TTC7A: variants seen among roughly 807,000 people sequenced by gnomAD.
TTC7A encodes the protein tetratricopeptide repeat protein 7A.
In TTC7A, 110 loss-of-function variants were observed where a neutral mutation model predicts 103.7. The observed-to-expected ratio is 1.06, with a 90% CI of 0.91 to 1.24. The LOEUF is 1.24. Ranked by LOEUF, TTC7A falls within the 50% of genes most tolerant of loss-of-function variation. The pLI is 0.00. For missense variants in TTC7A, 1,340 were observed against 1,116.3 expected (o/e 1.20, Z -2.86); for synonymous variants, 521 against 467.9 (o/e 1.11, Z -1.47).
intron 9 of TTC7A, 48 bp from the exon 10 acceptor site, chr2:47,006,593 G>C: frequency 6.6e-7 from 1 of 1,519,922 alleles, no homozygotes; most frequent in Admixed American, 1.7e-5. Context: ...GGATGGCTGG[G>C]GTGGGAGGAC....
At chr2:46,962,045 C>T (rs1260851081) in intron 3 of TTC7A, among the ~76,000 whole-genome samples, 1 of 152,220 alleles carries the variant, frequency 6.6e-6, no homozygotes, top group East Asian at 1.9e-4. Context: ...CTGTCTTCCA[C>T]TGAATTCCAA....
intron 2 of TTC7A, among the ~76,000 whole-genome samples, chr2:46,925,103 A>G (rs181242352): frequency 7.0e-4 from 107 of 152,290 alleles, no homozygotes; most frequent in African/African-American, 2.4e-3. Context: ...GTTGCACTGC[A>G]CTTGGTTTTC....
intron 14 of TTC7A, among the ~76,000 whole-genome samples, chr2:47,027,329 T>G (rs979192580): frequency 6.6e-6 from 1 of 152,104 alleles, no homozygotes; most frequent in African/African-American, 2.4e-5. Context: ...CTGCGACAGC[T>G]TTGAGGCCAG....
intron 2 of TTC7A, chr2:46,917,413 C>G (rs563106521): frequency 2.9e-4 from 161 of 564,436 alleles, no homozygotes; most frequent in Non-Finnish European, 4.4e-4. Flanking sequence ...ATCTGCCATT[C>G]ATCCATCTCT....
intron 2 of TTC7A, among the ~76,000 whole-genome samples, chr2:46,955,210 G>A (rs1156719514): frequency 1.3e-5 from 2 of 151,160 alleles, no homozygotes; most frequent in African/African-American, 4.9e-5. Context: ...CACCCACGAG[G>A]AAGACGCAGC....
At chr2:46,988,500 T>C (rs542867730) in intron 5 of TTC7A, among the ~76,000 whole-genome samples, 133 of 152,370 alleles carry the variant, frequency 8.7e-4, no homozygotes, top group African/African-American at 3.0e-3. Context: ...TGCGGACATC[T>C]GGCCAGGGCC....
At chr2:46,923,864 C>T (rs1669241276) in intron 2 of TTC7A, among the ~76,000 whole-genome samples, 1 of 152,108 alleles carries the variant, frequency 6.6e-6, no homozygotes, top group African/African-American at 2.4e-5. Flanking sequence ...TCCAGAGTAG[C>T]TGGGATTACA....
At chr2:47,018,863 GC>G (rs1472037555) in intron 11 of TTC7A, among the ~76,000 whole-genome samples, 2 of 152,100 alleles carry the variant, frequency 1.3e-5, no homozygotes, top group African/African-American at 4.8e-5. Context: ...AAAGTGACTT[GC>G]CCAAGGTTAG....
At chr2:46,993,824 A>G (rs1463310125) in intron 6 of TTC7A, among the ~76,000 whole-genome samples, 2 of 152,196 alleles carry the variant, frequency 1.3e-5, no homozygotes, top group Non-Finnish European at 2.9e-5. Flanking sequence ...GCAAGGTGCT[A>G]TGCGAACTTT....
chr2:47,006,724 G>T lies in TTC7A; in HGVS notation c.1287G>T (p.Lys429Asn). The T allele has an allele frequency of 6.2e-7, 1 of 1,613,036 alleles. No homozygotes were observed. Among genetic ancestry groups the T allele is most frequent in the Non-Finnish European group, 8.5e-7 (1 of 1,178,940 alleles). ...CCCTCTCCATGGTGGCTTGTGGGAA[G>T]GTAAGGCCCAGGGGGCGCTAGGGGT... ...QVALSMVACGKSAYAVSLLRE... is the reference protein window; with the variant it reads ...QVALSMVACGNSAYAVSLLRE... Residue 429 changes from lysine (K) to asparagine (N), a missense_variant and splice_region_variant, in exon 10 of 20, where the codon AAG (lysine) becomes AAT (asparagine). Coordinates refer to ENST00000319190, the MANE Select transcript of TTC7A (RefSeq NM_020458.4).
chr2:47,041,028 C>G (rs1384452487), intron 15 of TTC7A, among the ~76,000 whole-genome samples: 1 of 152,214 alleles, frequency 6.6e-6, no homozygotes, highest in Non-Finnish European at 1.5e-5. Flanking sequence ...AGAGACTCTC[C>G]TCAGTGATAC....
At chr2:47,040,968 G>A (rs1462310964) in intron 15 of TTC7A, among the ~76,000 whole-genome samples, 1 of 152,188 alleles carries the variant, frequency 6.6e-6, no homozygotes, top group Non-Finnish European at 1.5e-5. Context: ...TTGTCGGAGG[G>A]CATAAATGTT....
At chr2:47,032,404 G>GT (rs1372657661) in intron 15 of TTC7A, among the ~76,000 whole-genome samples, 1 of 152,232 alleles carries the variant, frequency 6.6e-6, no homozygotes, top group African/African-American at 2.4e-5. Flanking sequence ...CTGGAGAGCA[G>GT]TGTCTGCAGG....
At chr2:47,039,601 G>T (rs1488500475) in intron 15 of TTC7A, among the ~76,000 whole-genome samples, 1 of 152,240 alleles carries the variant, frequency 6.6e-6, no homozygotes, top group Non-Finnish European at 1.5e-5. Context: ...TTTCTGAGGA[G>T]TCTCACCCTA....
At chr2:46,988,089 C>G (rs1195563189) in intron 5 of TTC7A, among the ~76,000 whole-genome samples, 1 of 152,142 alleles carries the variant, frequency 6.6e-6, no homozygotes, top group Non-Finnish European at 1.5e-5. Context: ...TCCTGGTGCT[C>G]TGTGTCATGC....
intron 3 of TTC7A, among the ~76,000 whole-genome samples, chr2:46,970,486 A>G (rs1419808718): frequency 6.6e-6 from 1 of 152,236 alleles, no homozygotes; most frequent in Non-Finnish European, 1.5e-5. Context: ...AGTAGCTGGC[A>G]TCACCCATCC....
intron 3 of TTC7A, chr2:46,958,365 C>T (rs1000001774): frequency 1.6e-6 from 1 of 625,694 alleles, no homozygotes; most frequent in Non-Finnish European, 2.7e-6. Context: ...TCTTTCGGGT[C>T]TCTTAGAAAC....
intron 3 of TTC7A, among the ~76,000 whole-genome samples, chr2:46,963,065 G>T (rs1433417465): frequency 6.6e-6 from 1 of 152,164 alleles, no homozygotes; most frequent in Admixed American, 6.5e-5. Flanking sequence ...CTCTTCTCAG[G>T]CACCCACCCC....
At chr2:47,008,904 A>C (rs1170332719) in intron 10 of TTC7A, among the ~76,000 whole-genome samples, 2 of 107,614 alleles carry the variant, frequency 1.9e-5, no homozygotes, top group Non-Finnish European at 3.9e-5. Flanking sequence ...CCAGCATGAC[A>C]AAAAAAAAAA....
Sources: allele counts gnomAD v4.1 joint callset (sites outside exome capture counted in the v4.1 genomes callset), GRCh38; gene constraint gnomAD v4.1.1; transcripts MANE v1.5; gene names NCBI Gene and HGNC (gene_info 2026-07-23, HGNC 2026-07-21).